Variants in ANO10 observed in about 807,000 individuals in gnomAD.
ANO10 encodes anoctamin-10.
A neutral mutation model predicts 74.7 loss-of-function variants in ANO10; 77 were observed. The ratio of observed to expected loss-of-function variants is 1.03; its 90% CI spans 0.86 to 1.25. The LOEUF (loss-of-function observed/expected upper bound fraction) is 1.25. ANO10 is among the 50% of genes most tolerant of loss of function. ANO10 has a pLI of 0.00. For missense variants in ANO10, 721 were observed against 778.1 expected, an observed-to-expected ratio of 0.93 and a Z score of 0.87; for synonymous variants, 279 against 284.9, an observed-to-expected ratio of 0.98 and a Z score of 0.21.
intron 11 of ANO10, among the ~76,000 whole-genome samples, chr3:43,524,997 A>G (rs6799364): frequency 0.92 from 140,068 of 152,210 alleles, 64,741 homozygotes; most frequent in Non-Finnish European, 0.97. Context: ...AACATTCTCC[A>G]TGCTGGGTAT....
intron 1 of ANO10, among the ~76,000 whole-genome samples, chr3:43,676,616 G>A (rs558852769): frequency 3.9e-5 from 6 of 152,248 alleles, no homozygotes; most frequent in South Asian, 2.1e-4. Context: ...GGATCTTGTC[G>A]TGATGGAAAT....
chr3:43,375,494 G>T (rs1205929471), intron 12 of ANO10, among the ~76,000 whole-genome samples: 1 of 151,942 alleles, frequency 6.6e-6, no homozygotes, highest in Non-Finnish European at 1.5e-5. Context: ...AGTCCTTGAT[G>T]ATTTTTTTTT....
chr3:43,598,461 AG>A (rs2082188543), intron 4 of ANO10, 70 bp downstream of exon 4: 1 of 1,465,346 alleles, frequency 6.8e-7, no homozygotes, highest in South Asian at 1.2e-5. Context: ...CTTCTGTAAG[AG>A]GGAAAAAAGG....
intron 1 of ANO10, among the ~76,000 whole-genome samples, chr3:43,656,694 G>A (rs1458002059): frequency 6.6e-6 from 1 of 152,238 alleles, no homozygotes; most frequent in African/African-American, 2.4e-5. Context: ...ATTGCCCGGG[G>A]CAGCAGGGCC....
At chr3:43,434,471 T>C (rs182284240) in intron 11 of ANO10, among the ~76,000 whole-genome samples, 102 of 152,332 alleles carry the variant, frequency 6.7e-4, no homozygotes, top group African/African-American at 2.3e-3. Flanking sequence ...TCAGTGGAAA[T>C]ATCAGACAAG....
intron 12 of ANO10, among the ~76,000 whole-genome samples, chr3:43,373,937 G>A (rs904306005): frequency 6.6e-6 from 1 of 152,204 alleles, no homozygotes; most frequent in Non-Finnish European, 1.5e-5. Context: ...GCTGCTCATC[G>A]CCTCTGTCCT....
chr3:43,488,081 T>G (rs2076569430), intron 11 of ANO10, among the ~76,000 whole-genome samples: 1 of 152,016 alleles, frequency 6.6e-6, no homozygotes, highest in South Asian at 2.1e-4. Flanking sequence ...GGATTCCCTA[T>G]TTAATAAATG....
intron 4 of ANO10, among the ~76,000 whole-genome samples, chr3:43,592,935 A>G (rs2081871698): frequency 6.6e-6 from 1 of 152,216 alleles, no homozygotes; most frequent in Admixed American, 6.5e-5. Context: ...AGAGCTGAAA[A>G]CCATGGCACA....
chr3:43,540,481 C>T (rs745870043), intron 11 of ANO10, among the ~76,000 whole-genome samples: 8 of 152,208 alleles, frequency 5.3e-5, no homozygotes, highest in Non-Finnish European at 1.2e-4. Flanking sequence ...TTCAATCTGA[C>T]AGCAATTTGT....
intron 12 of ANO10, among the ~76,000 whole-genome samples, chr3:43,403,865 G>GT (rs2092528036): frequency 2.0e-5 from 3 of 152,026 alleles, no homozygotes; most frequent in Admixed American, 1.3e-4. Flanking sequence ...ACACCCTAGG[G>GT]TAAGTCCTAG....
intron 4 of ANO10, among the ~76,000 whole-genome samples, chr3:43,593,648 C>G (rs1417259940): frequency 1.3e-5 from 2 of 151,322 alleles, no homozygotes; most frequent in Non-Finnish European, 2.9e-5. Context: ...CCAGCCACTG[C>G]AAAAAACATG....
At chr3:43,389,908 G>GAACAAAACAA (rs745544630) in intron 12 of ANO10, among the ~76,000 whole-genome samples, 1 of 152,072 alleles carries the variant, frequency 6.6e-6, no homozygotes, top group African/African-American at 2.4e-5. Flanking sequence ...GACGGAAATG[G>GAACAAAACAA]AACAAAACAA....
chr3:43,555,559 T>C (rs948306759), intron 9 of ANO10, 90 bp from the exon 10 acceptor site: 3 of 1,351,910 alleles, frequency 2.2e-6, no homozygotes, highest in East Asian at 2.5e-5. Flanking sequence ...CCTCTAACTA[T>C]TCAAAAAAAC....
intron 1 of ANO10, among the ~76,000 whole-genome samples, chr3:43,606,640 T>C (rs1338776916): frequency 6.7e-6 from 1 of 149,934 alleles, no homozygotes; most frequent in African/African-American, 2.5e-5. Flanking sequence ...GGACTGAATA[T>C]AACTACTAAA....
At chr3:43,545,491 G>A (rs988094852) in intron 11 of ANO10, among the ~76,000 whole-genome samples, 12 of 151,982 alleles carry the variant, frequency 7.9e-5, no homozygotes, top group Non-Finnish European at 1.8e-4. Flanking sequence ...TCAGTCTCCC[G>A]AGTAGCTGGG....
chr3:43,494,179 C>G (rs78690561), intron 11 of ANO10, among the ~76,000 whole-genome samples: 3 of 152,168 alleles, frequency 2.0e-5, no homozygotes, highest in African/African-American at 7.2e-5. Flanking sequence ...AGTGGCCAGA[C>G]GTGGTGGCTC....
intron 1 of ANO10, among the ~76,000 whole-genome samples, chr3:43,639,971 C>T (rs2083655180): frequency 6.6e-6 from 1 of 152,068 alleles, no homozygotes; most frequent in Admixed American, 6.6e-5. Context: ...CTAGCCTAAG[C>T]AAGCCTAGTC....
Position 43,676,803 on chromosome 3 carries a change from T to C in ANO10, c.-12+14714A>G, listed in dbSNP as rs551667218. Among the ~76,000 whole-genome samples, 6 of 152,196 alleles carry C rather than the reference T, an allele frequency of 3.9e-5. No homozygotes were observed. In the South Asian group the frequency reaches 1.2e-3, roughly 32 times the overall value. On this transcript the variant is annotated intron_variant, in intron 1 of 3. Transcript: ENST00000413397. ...AATATAAATAGTCTAAAAAAAGACT[T>C]TGTGAAAAAAATCTTGAATTAAATT...
chr3:43,561,115 A>T, intron 9 of ANO10, 105 bp downstream of exon 9: 1 of 1,333,648 alleles, frequency 7.5e-7, no homozygotes, highest in Non-Finnish European at 1.1e-6. Flanking sequence ...AAGCACTTCT[A>T]GAATAGTCAC....
Sources: gnomAD v4.1 joint callset for allele counts (sites outside exome capture counted in the v4.1 genomes callset) on GRCh38, gnomAD v4.1.1 for gene constraint, MANE v1.5 for transcripts, NCBI Gene and HGNC (gene_info 2026-07-23, HGNC 2026-07-21) for gene names.